The following HEATR9 variants were observed in gnomAD, a reference collection of about 807,000 sequenced individuals.
HEATR9 encodes HEAT repeat containing 9, also known as protein HEATR9.
Under a neutral mutation model 68.2 loss-of-function variants are expected in HEATR9, and 54 were observed. The ratio of observed to expected loss-of-function variants is 0.79; its 90% CI spans 0.64 to 0.99. The LOEUF is 0.99. HEATR9 is among the 50% of genes least tolerant of loss of function. The pLI, the probability that HEATR9 is intolerant of heterozygous loss-of-function variation, is 0.00. For missense variants in HEATR9, 662 were observed against 679.7 expected, an observed-to-expected ratio of 0.97 and a Z score of 0.29; for synonymous variants, 241 against 253.5, an observed-to-expected ratio of 0.95 and a Z score of 0.47.
chr17:35,861,586 C>T lies in HEATR9; in HGVS notation c.756+1409G>A, dbSNP rs2087994905. 4.4e-6 allele frequency: 3 copies of T among 688,716 alleles called. No individual in the cohort carries two copies. The East Asian group carries it at 7.8e-5, about 18-fold the overall frequency. 42.7% of individuals were successfully genotyped at this position (688,716 alleles called of 1,614,324 possible). A position where few individuals can be genotyped will look rare whatever the true frequency, so the allele number is the denominator to read the frequency against. ...ACGCATGTTGAACCTGTGTTGGTCC[C>T]CTTTGCTTTCTTAACCATGCCAAAC... is the stretch of plus-strand genomic sequence containing the variant. On this transcript the variant is annotated intron_variant, in intron 8 of 14. Transcript: ENST00000604834.
chr17:35,855,315 G>T lies in HEATR9; in HGVS notation c.1461C>A (p.Thr487=). The T allele has an allele frequency of 6.2e-7, 1 of 1,614,124 alleles. No individual in the cohort carries two copies. Among genetic ancestry groups the T allele is most frequent in the South Asian group, 1.1e-5 (1 of 91,082 alleles). Residue 487 remains threonine, a synonymous_variant, in exon 15 of 15, where the codon ACC becomes ACA. Transcript: ENST00000604834. ...ACCTTGTGGGCTCTGCCTTCACATT[G>T]GTCTTAGGTGCCTCATATACAGAGA... ...KVLSVYEAPK[T]NVKAEPTRFQ...
chr17:35,860,506 T>G (rs1257632282), intron 8 of HEATR9, among the ~76,000 whole-genome samples: 1 of 149,946 alleles, frequency 6.7e-6, no homozygotes, highest in African/African-American at 2.4e-5. Flanking sequence ...TTTATTTATT[T>G]TGAGATGGAG....
At chr17:35,861,267 T>C in intron 8 of HEATR9, 1 of 1,463,256 alleles carries the variant, frequency 6.8e-7, no homozygotes, top group Non-Finnish European at 9.5e-7. Context: ...GACGTTTCTG[T>C]TTGATCTCTT....
intron 13 of HEATR9, 60 bp from the exon 14 acceptor site, chr17:35,855,810 T>C (rs2087750572): frequency 8.7e-6 from 12 of 1,373,710 alleles, no homozygotes; most frequent in Non-Finnish European, 1.0e-5. Context: ...CCTTATACTC[T>C]TTCCCATTCT....
At chr17:35,865,163 T>G (rs2088150948) in intron 3 of HEATR9, 52 bp downstream of exon 3, 3 of 1,577,634 alleles carry the variant, frequency 1.9e-6, no homozygotes, top group Admixed American at 1.7e-5. Flanking sequence ...CCTTCCTCAC[T>G]TTCCTAGAAG....
In HEATR9 at chr17:35,858,972, C is replaced by T. The variant is rs1283587702; in HGVS notation, c.855G>A (p.Leu285=). ...SEASLEAALC[L]GFLRPCSNMV... is the part of the protein sequence containing the mutation. ...TGTTGCTGCAAGGCCTCAGGAAACC[C>T]AGGCACAGGGCTGCCTCCAGAGATG... The change falls in exon 9 of 15, where the codon CTG becomes CTA. Residue 285 remains leucine (L), a synonymous_variant. Coordinates refer to ENST00000604834, the MANE Select transcript of HEATR9 (RefSeq NM_152781.4). The T allele has an allele frequency of 6.2e-7, 1 of 1,614,192 alleles. No individual in the cohort carries two copies.
Position 35,863,149 on chromosome 17 carries a change from C to T in HEATR9, c.626-24G>A, listed in dbSNP as rs750546702. The T allele has an allele frequency of 2.7e-5, 43 of 1,612,664 alleles. No homozygotes were observed. The East Asian group carries it at 8.5e-4, about 32-fold the overall frequency. On this transcript the variant is annotated intron_variant, in intron 7 of 14. Transcript: ENST00000604834. ...ACCTGGACAGGGAGGGGCCTCAAGTCAGGGCAGAGCCTCTGGTACTGCCCC... is the reference window on the plus strand; with the variant it reads ...ACCTGGACAGGGAGGGGCCTCAAGTTAGGGCAGAGCCTCTGGTACTGCCCC...
intron 8 of HEATR9, among the ~76,000 whole-genome samples, chr17:35,859,600 G>A (rs1039514621): frequency 6.6e-6 from 1 of 152,128 alleles, no homozygotes; most frequent in Non-Finnish European, 1.5e-5. Flanking sequence ...CCATGATCCT[G>A]CTGTAATCAC....
At chr17:35,865,423 C>T in intron 2 of HEATR9, 27 bp from the exon 3 acceptor site, 1 of 1,602,812 alleles carries the variant, frequency 6.2e-7, no homozygotes, top group East Asian at 2.2e-5. Flanking sequence ...GCAGAACAGT[C>T]AGAGGGGTCC....
At chr17:35,862,379 TG>T (rs2088025689) in intron 8 of HEATR9, among the ~76,000 whole-genome samples, 4 of 152,112 alleles carry the variant, frequency 2.6e-5, no homozygotes, top group African/African-American at 9.7e-5. Context: ...AGAGCAATGA[TG>T]GGGTCAAAGT....
rs2088129617 is a variant in HEATR9 at position 35,864,704 on chromosome 17, G to T, written c.453+54C>A. The T allele has an allele frequency of 1.1e-5, 18 of 1,610,018 alleles. No individual in the cohort carries two copies. The South Asian group carries it at 1.5e-4, about 14-fold the overall frequency. On this transcript the variant is annotated intron_variant, in intron 4 of 14. Transcript: ENST00000604834. Reference sequence around the variant, plus strand: ...GCTGAAGGATGGTGTGAGCCCAAGGGAAGGGCACCCACAGGGAGGGAGTCC... The same window carrying T: ...GCTGAAGGATGGTGTGAGCCCAAGGTAAGGGCACCCACAGGGAGGGAGTCC...
At chr17:35,857,553 A>G (rs1164106841) in intron 11 of HEATR9, among the ~76,000 whole-genome samples, 1 of 152,102 alleles carries the variant, frequency 6.6e-6, no homozygotes, top group Non-Finnish European at 1.5e-5. Context: ...AGGTCAGGAG[A>G]TCGAGCCCAT....
chr17:35,867,705 T>G (rs1293403791), intron 1 of HEATR9, among the ~76,000 whole-genome samples: 1 of 152,156 alleles, frequency 6.6e-6, no homozygotes, highest in Non-Finnish European at 1.5e-5. Context: ...TTTCTGGGAC[T>G]CATACCCACA....
chr17:35,866,085 CTT>C (rs1341395702), intron 2 of HEATR9, among the ~76,000 whole-genome samples: 2 of 152,170 alleles, frequency 1.3e-5, no homozygotes, highest in Non-Finnish European at 2.9e-5. Context: ...TTCTTTCACT[CTT>C]TGCAACAGAT....
intron 1 of HEATR9, among the ~76,000 whole-genome samples, chr17:35,867,696 T>G (rs980837182): frequency 6.6e-6 from 1 of 152,118 alleles, no homozygotes; most frequent in Non-Finnish European, 1.5e-5. Context: ...AAACACAGAT[T>G]TCTGGGACTC....
intron 6 of HEATR9, 63 bp downstream of exon 6, chr17:35,864,183 A>G: frequency 7.1e-7 from 1 of 1,409,428 alleles, no homozygotes; most frequent in South Asian, 1.2e-5. Context: ...GTCTGTGCCC[A>G]CATGCCACAC....
rs2088078968 is a variant in HEATR9, at chr17:35,863,533, C to G, written c.594G>C (p.Lys198Asn). 1 of 1,614,100 alleles carries G rather than the reference C, an allele frequency of 6.2e-7. No homozygotes were observed. The highest frequency in any genetic ancestry group is 1.1e-5 in the South Asian group (1 of 91,090). The part of the protein sequence containing the change: ...QVAQTGPEKV[K>N]YEAYRTLAIL... ...TGGCCAGGGTTCGGTAGGCCTCGTA[C>G]TTCACTTTCTCTGGACCAGTTTGGG... The change falls in exon 7 of 15, where the codon AAG becomes AAC. Residue 198 changes from lysine to asparagine, a missense_variant. Physicochemically the swap from Lys to Asn is moderately conservative, Grantham distance 94 (BLOSUM62 0). Transcript: ENST00000604834.
Position 35,864,796 on chromosome 17 carries a change from C to G in HEATR9, c.415G>C (p.Glu139Gln). 1 of 1,614,186 alleles carries G rather than the reference C, an allele frequency of 6.2e-7. No individual in the cohort carries two copies. The highest frequency in any genetic ancestry group is 1.1e-5 in the South Asian group (1 of 91,078). ...CACTTCAGGGGGTCCTGGGTAGGCT[C>G]TAAGGGCCTGGATCGCATCTCAGAT... ...IKSEMRSRPLEPTQDPLKWQR... is the reference protein window; with the variant it reads ...IKSEMRSRPLQPTQDPLKWQR... Residue 139 changes from glutamate to glutamine, a missense_variant, in exon 4 of 15, where the codon GAG becomes CAG. Coordinates refer to ENST00000604834, the MANE Select transcript of HEATR9 (RefSeq NM_152781.4).
Position 35,865,403 on chromosome 17 carries a change from G to A in HEATR9, c.139-7C>T, listed in dbSNP as rs978729646. The A allele has an allele frequency of 1.2e-6, 2 of 1,611,606 alleles. No individual in the cohort carries two copies. The highest frequency in any genetic ancestry group is 1.7e-6 in the Non-Finnish European group (2 of 1,179,350). On this transcript the variant is annotated splice_polypyrimidine_tract_variant and splice_region_variant and intron_variant, in intron 2 of 14. Coordinates refer to ENST00000604834, the MANE Select transcript of HEATR9 (RefSeq NM_152781.4). Reference sequence around the variant, plus strand: ...GAAACTCTTCCTTTGGCATCTGGGGGTTGCAAGTGGCAGAACAGTCAGAGG... The same window carrying A: ...GAAACTCTTCCTTTGGCATCTGGGGATTGCAAGTGGCAGAACAGTCAGAGG...
Sources: allele counts gnomAD v4.1 joint callset (sites outside exome capture counted in the v4.1 genomes callset), GRCh38; gene constraint gnomAD v4.1.1; transcripts MANE v1.5; gene names NCBI Gene and HGNC (gene_info 2026-07-23, HGNC 2026-07-21).